Variants in SPOCK3 observed in about 807,000 individuals in gnomAD.
The protein encoded by SPOCK3 is testican-3.
SPOCK3 carries 30 observed loss-of-function variants against 56.6 expected under a neutral mutation model. The ratio of observed to expected loss-of-function variants is 0.53; its 90% CI spans 0.40 to 0.72. The LOEUF is 0.72. Among genes scored for constraint, SPOCK3 ranks in the 30% least tolerant of loss-of-function variants. SPOCK3 has a pLI of 0.00. For synonymous variants in SPOCK3, 196 were observed against 183.3 expected, an observed-to-expected ratio of 1.07 and a Z score of -0.56; for missense variants, 527 against 530.0, an observed-to-expected ratio of 0.99 and a Z score of 0.06.
intron 4 of SPOCK3, among the ~76,000 whole-genome samples, chr4:166,997,512 T>G (rs1421409649): frequency 6.6e-6 from 1 of 152,094 alleles, no homozygotes; most frequent in Non-Finnish European, 1.5e-5. Context: ...TTTCAATTGA[T>G]CAAACTATTT....
chr4:167,057,024 G>A (rs1201908221), intron 3 of SPOCK3, among the ~76,000 whole-genome samples: 1 of 152,090 alleles, frequency 6.6e-6, no homozygotes, highest in Non-Finnish European at 1.5e-5. Context: ...AAATGTTAAG[G>A]GCATCCAGAG....
chr4:166,736,517 G>A (rs1734228674), intron 10 of SPOCK3, among the ~76,000 whole-genome samples: 1 of 152,028 alleles, frequency 6.6e-6, no homozygotes. Context: ...TGGATTCAGA[G>A]CAGGAATTTA....
intron 4 of SPOCK3, among the ~76,000 whole-genome samples, chr4:166,952,258 CA>C (rs1051326632): frequency 2.6e-5 from 4 of 152,162 alleles, no homozygotes; most frequent in African/African-American, 9.6e-5. Context: ...AATCAATGTA[CA>C]AAAATCACAA....
chr4:167,197,463 GAAC>G (rs1733064251), intron 2 of SPOCK3, among the ~76,000 whole-genome samples: 1 of 152,086 alleles, frequency 6.6e-6, no homozygotes, highest in Non-Finnish European at 1.5e-5. Context: ...GATGAAATTA[GAAC>G]AAAAGTGAAA....
chr4:167,197,432 T>C (rs936316511), intron 2 of SPOCK3, among the ~76,000 whole-genome samples: 2 of 152,192 alleles, frequency 1.3e-5, no homozygotes, highest in African/African-American at 4.8e-5. Flanking sequence ...ACGTGAAATT[T>C]AGGCTATTAC....
At chr4:167,102,004 C>CT (rs548521038) in intron 2 of SPOCK3, among the ~76,000 whole-genome samples, 52 of 149,174 alleles carry the variant, frequency 3.5e-4, no homozygotes, top group Middle Eastern at 3.5e-3. Context: ...GGCCCTCTTA[C>CT]TTTTTTTTTT....
chr4:166,798,052 ATGT>A (rs1395291420), intron 6 of SPOCK3, among the ~76,000 whole-genome samples: 3 of 152,202 alleles, frequency 2.0e-5, no homozygotes, highest in South Asian at 2.1e-4. Flanking sequence ...GTTTGTAGTG[ATGT>A]TGTTGTAAAC....
At chr4:166,812,727 C>G (rs933539897) in intron 6 of SPOCK3, among the ~76,000 whole-genome samples, 4 of 151,946 alleles carry the variant, frequency 2.6e-5, no homozygotes, top group African/African-American at 9.7e-5. Context: ...ATACTTCCAT[C>G]AGATCATAAT....
At chr4:166,907,572 T>C (rs1736760383) in intron 5 of SPOCK3, among the ~76,000 whole-genome samples, 1 of 152,110 alleles carries the variant, frequency 6.6e-6, no homozygotes, top group South Asian at 2.1e-4. Context: ...TATTTTGTGC[T>C]TCAGCACATG....
chr4:167,105,139 A>G (rs928939261), intron 2 of SPOCK3, among the ~76,000 whole-genome samples: 3 of 152,050 alleles, frequency 2.0e-5, no homozygotes, highest in African/African-American at 4.8e-5. Flanking sequence ...AAAAAAAATC[A>G]CAGAATATTA....
intron 7 of SPOCK3, among the ~76,000 whole-genome samples, chr4:166,766,279 A>C (rs1315828786): frequency 6.6e-6 from 1 of 152,184 alleles, no homozygotes; most frequent in Non-Finnish European, 1.5e-5. Flanking sequence ...TTTCAAAGGG[A>C]ATGCTTCCAG....
At chr4:167,128,598 G>T (rs554728823) in intron 2 of SPOCK3, among the ~76,000 whole-genome samples, 39 of 152,190 alleles carry the variant, frequency 2.6e-4, no homozygotes, top group Non-Finnish European at 2.9e-4. Flanking sequence ...ATCTGAAGAA[G>T]AAGAATTGTC....
At chr4:167,177,770 G>A (rs550267957) in intron 2 of SPOCK3, among the ~76,000 whole-genome samples, 1 of 152,086 alleles carries the variant, frequency 6.6e-6, no homozygotes, top group African/African-American at 2.4e-5. Flanking sequence ...CAACTTGCCT[G>A]TCTTTATCTT....
At chr4:166,975,110 G>A (rs1438221306) in intron 4 of SPOCK3, among the ~76,000 whole-genome samples, 1 of 152,132 alleles carries the variant, frequency 6.6e-6, no homozygotes, top group African/African-American at 2.4e-5. Context: ...GGTACAGCAT[G>A]AGGCCCTCCA....
At chr4:167,005,222 T>G (rs1749342681) in intron 3 of SPOCK3, among the ~76,000 whole-genome samples, 1 of 152,096 alleles carries the variant, frequency 6.6e-6, no homozygotes, top group African/African-American at 2.4e-5. Context: ...TTTATTCTTT[T>G]TTTTTGAGAT....
At position 167,027,205 on chromosome 4, in the gene SPOCK3, A is replaced by C. The variant is rs146156448; in HGVS notation, c.236-26742T>G. On this transcript the variant is annotated intron_variant, in intron 3 of 10. Transcript: ENST00000357545. The stretch of plus-strand genomic sequence containing the variant: ...GTAACACCCTGAAAAATTTCTTCAC[A>C]CAGTCTTCACAATTTAGAACAATAT... Among the ~76,000 whole-genome samples, 5 of 152,076 alleles carry C rather than the reference A, an allele frequency of 3.3e-5. No homozygotes were observed. In the East Asian group the frequency reaches 9.7e-4, roughly 30 times the overall value.
chr4:167,075,966 C>T (rs1181356927), intron 2 of SPOCK3, among the ~76,000 whole-genome samples: 6 of 151,778 alleles, frequency 4.0e-5, no homozygotes, highest in South Asian at 2.1e-4. Flanking sequence ...ACAGCACTAA[C>T]GAGAAAAGAG....
intron 3 of SPOCK3, among the ~76,000 whole-genome samples, chr4:167,061,857 A>G (rs1755641448): frequency 6.6e-6 from 1 of 151,962 alleles, no homozygotes; most frequent in Non-Finnish European, 1.5e-5. Context: ...TAGTAAACAA[A>G]TCTCTTTAGT....
At chr4:167,062,666 G>A in intron 2 of SPOCK3, 129 bp from the exon 3 acceptor site, 3 of 624,098 alleles carry the variant, frequency 4.8e-6, no homozygotes, top group East Asian at 5.8e-5. Context: ...ATGGCAAGCA[G>A]CAAATTATAA....
Sources: gnomAD v4.1 joint callset for allele counts (sites outside exome capture counted in the v4.1 genomes callset) on GRCh38, gnomAD v4.1.1 for gene constraint, MANE v1.5 for transcripts, NCBI Gene and HGNC (gene_info 2026-07-23, HGNC 2026-07-21) for gene names.